Variants in PIK3C2G observed in about 807,000 individuals in gnomAD.
PIK3C2G encodes phosphatidylinositol-4-phosphate 3-kinase catalytic subunit type 2 gamma.
PIK3C2G carries 168 observed loss-of-function variants against 181.1 expected under a neutral mutation model. That is an observed-to-expected ratio of 0.93 (90% CI 0.82 to 1.05). The LOEUF is 1.05. Ranked by LOEUF, PIK3C2G falls within the 50% of genes least tolerant of loss-of-function variation. PIK3C2G has a pLI of 0.00. For synonymous variants in PIK3C2G, 573 were observed against 592.2 expected (o/e 0.97, Z 0.47); for missense variants, 1,869 against 1,732.8 (o/e 1.08, Z -1.40).
At chr12:18,359,045 G>A (rs1941001326) in intron 11 of PIK3C2G, 1 of 153,050 alleles carries the variant, frequency 6.5e-6, no homozygotes, top group African/African-American at 2.4e-5. Flanking sequence ...GAGTGCTGAA[G>A]GGCTGAAGGC....
intron 31 of PIK3C2G, among the ~76,000 whole-genome samples, chr12:18,616,632 T>C (rs1186642427): frequency 1.3e-5 from 2 of 152,074 alleles, no homozygotes; most frequent in African/African-American, 4.8e-5. Flanking sequence ...GACTAAAATT[T>C]CATTTATTCT....
At chr12:18,694,139 C>T in the PIK3C2G span, 1 of 844,150 alleles carries the variant, frequency 1.2e-6, no homozygotes, top group Non-Finnish European at 1.9e-6. Context: ...TGGGTGATTT[C>T]TCAGTCCCTG....
Position 18,325,169 on chromosome 12 carries a change from T to C in PIK3C2G, c.1272+71T>C, listed in dbSNP as rs543148159. On this transcript the variant is annotated intron_variant, in intron 8 of 32. Coordinates refer to ENST00000538779, the MANE Select transcript of PIK3C2G (RefSeq NM_001288772.2). ...AACGCATCTACTATTTTTCTAAAAC[T>C]TTGCAAATTTTGAAGATGACAAAAA... 1.6e-5 allele frequency: 13 copies of C among 814,956 alleles called. No individual in the cohort carries two copies. In the East Asian group the frequency reaches 3.3e-4, roughly 21 times the overall value. The allele number at this position is 814,956 out of a possible 1,614,324, so 50.5% of individuals were successfully genotyped here. A position where few individuals can be genotyped will look rare whatever the true frequency, so the allele number is the denominator to read the frequency against.
In PIK3C2G at chr12:18,268,049, T is replaced by C. The variant is rs533369867; in HGVS notation, c.-79+6472T>C. Reference sequence around the variant, plus strand: ...GGTGGAGGGAATTGATCCGACCCTATATCTCCCAATTCAGCAGTAGCAGGA... The same window carrying C: ...GGTGGAGGGAATTGATCCGACCCTACATCTCCCAATTCAGCAGTAGCAGGA... On this transcript the variant is annotated intron_variant, in intron 1 of 32. Coordinates refer to ENST00000538779, the MANE Select transcript of PIK3C2G (RefSeq NM_001288772.2). Among the ~76,000 whole-genome samples, 5 of 152,340 alleles carry C rather than the reference T, an allele frequency of 3.3e-5. No homozygotes were observed. In the South Asian group the frequency reaches 1.0e-3, roughly 32 times the overall value.
chr12:18,344,857 T>C (rs1365806562), intron 10 of PIK3C2G, among the ~76,000 whole-genome samples: 1 of 152,132 alleles, frequency 6.6e-6, no homozygotes, highest in African/African-American at 2.4e-5. Context: ...GTTTTGATGA[T>C]GTTATTTGAA....
chr12:18,280,935 A>G (rs547697554), intron 1 of PIK3C2G, among the ~76,000 whole-genome samples: 27 of 152,108 alleles, frequency 1.8e-4, no homozygotes, highest in African/African-American at 6.0e-4. Context: ...ATATAGAAGA[A>G]GAAAGATGAG....
At chr12:18,672,853 C>G in the PIK3C2G span, among the ~76,000 whole-genome samples, 5 of 152,116 alleles carry the variant, frequency 3.3e-5, no homozygotes, top group African/African-American at 1.2e-4. Flanking sequence ...AGGGCTACTA[C>G]CTAGGCAGAG....
At chr12:18,336,882 A>G (rs1938591199) in intron 8 of PIK3C2G, among the ~76,000 whole-genome samples, 1 of 152,128 alleles carries the variant, frequency 6.6e-6, no homozygotes. Flanking sequence ...GATACTGGCT[A>G]TTTTTCCACA....
At chr12:18,280,868 A>G (rs897043982) in intron 1 of PIK3C2G, among the ~76,000 whole-genome samples, 3 of 151,790 alleles carry the variant, frequency 2.0e-5, no homozygotes, top group African/African-American at 7.2e-5. Context: ...AGAGAGGGGA[A>G]GATAGATTTA....
chr12:18,284,788 A>G (rs1369653358), intron 2 of PIK3C2G, among the ~76,000 whole-genome samples: 2 of 152,178 alleles, frequency 1.3e-5, no homozygotes, highest in Non-Finnish European at 2.9e-5. Context: ...AGGGGAAAAA[A>G]TAATAATTTG....
intron 13 of PIK3C2G, among the ~76,000 whole-genome samples, chr12:18,377,264 A>G (rs2137926732): frequency 6.6e-6 from 1 of 152,330 alleles, no homozygotes; most frequent in Admixed American, 6.5e-5. Flanking sequence ...AGGGTAAACC[A>G]GCCCATCTGT....
At chr12:18,335,420 T>A (rs905527442) in intron 8 of PIK3C2G, among the ~76,000 whole-genome samples, 6 of 152,108 alleles carry the variant, frequency 3.9e-5, no homozygotes, top group African/African-American at 1.4e-4. Flanking sequence ...ATCTTGCCTT[T>A]CTTAAAATTT....
At chr12:18,385,211 C>A (rs988666899) in intron 14 of PIK3C2G, among the ~76,000 whole-genome samples, 15 of 152,150 alleles carry the variant, frequency 9.9e-5, no homozygotes, top group Admixed American at 2.6e-4. Context: ...GCCTACCTGA[C>A]TTCACTTTTC....
chr12:18,691,181 G>A, the PIK3C2G span, among the ~76,000 whole-genome samples: 1 of 152,172 alleles, frequency 6.6e-6, no homozygotes, highest in South Asian at 2.1e-4. Context: ...GATGTGGGAT[G>A]TGAAGGAGAT....
rs1031822108 is a variant in PIK3C2G at position 18,615,363 on chromosome 12, G to A, written c.4182+5734G>A. The stretch of plus-strand genomic sequence containing the variant: ...TGTGTGTGTGTGTGTGTGTGTGTGT[G>A]TGTGTGTATGTGTATATATATATAT... On this transcript the variant is annotated intron_variant, in intron 31 of 32. Coordinates refer to ENST00000538779, the MANE Select transcript of PIK3C2G (RefSeq NM_001288772.2). Among the ~76,000 whole-genome samples the A allele has an allele frequency of 6.4e-5, 7 of 109,802 alleles. No homozygotes were observed. The Admixed American group carries it at 7.5e-4, about 12-fold the overall frequency. 72.0% of individuals were successfully genotyped at this position (109,802 alleles called of 152,430 possible). A position where few individuals can be genotyped will look rare whatever the true frequency, so the allele number is the denominator to read the frequency against.
chr12:18,589,808 C>A (rs573916749), intron 29 of PIK3C2G, among the ~76,000 whole-genome samples: 1 of 151,948 alleles, frequency 6.6e-6, no homozygotes, highest in East Asian at 1.9e-4. Flanking sequence ...CCACAATGCT[C>A]CATTTTCATC....
At chr12:18,285,985 T>C (rs1345031462) in intron 2 of PIK3C2G, among the ~76,000 whole-genome samples, 1 of 151,440 alleles carries the variant, frequency 6.6e-6, no homozygotes. Context: ...GAAAGTAAAA[T>C]AAACAAAAAG....
At chr12:18,516,768 A>G (rs371667450) in intron 24 of PIK3C2G, among the ~76,000 whole-genome samples, 3 of 151,786 alleles carry the variant, frequency 2.0e-5, no homozygotes, top group East Asian at 3.9e-4. Flanking sequence ...GTTTTTCAGT[A>G]CAGTTATTGT....
At chr12:18,266,680 G>A (rs1279452536) in intron 1 of PIK3C2G, among the ~76,000 whole-genome samples, 1 of 152,000 alleles carries the variant, frequency 6.6e-6, no homozygotes, top group African/African-American at 2.4e-5. Context: ...TGAATGTTTG[G>A]TATAGAACAT....
Sources: allele counts gnomAD v4.1 joint callset (sites outside exome capture counted in the v4.1 genomes callset), GRCh38; gene constraint gnomAD v4.1.1; transcripts MANE v1.5; gene names NCBI Gene and HGNC (gene_info 2026-07-23, HGNC 2026-07-21).